CCDC171: variants seen among roughly 807,000 people sequenced by gnomAD.
CCDC171 encodes coiled-coil domain containing 171.
A neutral mutation model predicts 168.2 loss-of-function variants in CCDC171; 177 were observed. That is an observed-to-expected ratio of 1.05 (90% confidence interval 0.93 to 1.19). The LOEUF (loss-of-function observed/expected upper bound fraction) is 1.19, where lower values mean the gene tolerates loss of function less well. Among genes scored for constraint, CCDC171 ranks in the 50% most tolerant of loss-of-function variants. CCDC171 has a pLI of 0.00. For missense variants in CCDC171, 1,991 were observed against 1,539.0 expected (o/e 1.29, Z -4.91); for synonymous variants, 687 against 540.8 (o/e 1.27, Z -3.75).
chr9:15,628,996 A>G (rs1238652354), intron 7 of CCDC171, among the ~76,000 whole-genome samples: 2 of 152,204 alleles, frequency 1.3e-5, no homozygotes, highest in African/African-American at 2.4e-5. Flanking sequence ...AAAACTAACA[A>G]ACAGAAAGGA....
At chr9:15,696,091 T>C (rs1319234553) in intron 11 of CCDC171, among the ~76,000 whole-genome samples, 1 of 152,222 alleles carries the variant, frequency 6.6e-6, no homozygotes, top group African/African-American at 2.4e-5. Context: ...TTTGGTGGTC[T>C]TCTAACACAA....
intron 21 of CCDC171, among the ~76,000 whole-genome samples, chr9:15,844,042 A>G (rs1320528722): frequency 6.6e-6 from 1 of 152,122 alleles, no homozygotes; most frequent in Non-Finnish European, 1.5e-5. Context: ...AACTTGATTT[A>G]TCCTATTCTC....
intron 6 of CCDC171, among the ~76,000 whole-genome samples, chr9:15,599,283 T>G (rs1465195926): frequency 1.1e-4 from 16 of 152,286 alleles, no homozygotes; most frequent in African/African-American, 3.8e-4. Context: ...GCAGTGGCTG[T>G]TATTGGTTGT....
chr9:15,587,404 C>T (rs2041647835), intron 4 of CCDC171, among the ~76,000 whole-genome samples: 2 of 152,206 alleles, frequency 1.3e-5, no homozygotes, highest in Admixed American at 1.3e-4. Context: ...CACAAGCTCT[C>T]CTTTTGCCTG....
At chr9:15,824,324 C>T (rs1474659185) in intron 21 of CCDC171, among the ~76,000 whole-genome samples, 2 of 151,728 alleles carry the variant, frequency 1.3e-5, no homozygotes, top group Non-Finnish European at 2.9e-5. Context: ...AATAATTATA[C>T]ATTTACATAT....
intron 25 of CCDC171, among the ~76,000 whole-genome samples, chr9:15,945,832 C>T (rs929655350): frequency 5.3e-5 from 8 of 151,550 alleles, no homozygotes; most frequent in African/African-American, 1.9e-4. Context: ...TTGTGGGTTG[C>T]CTGTTCACTC....
chr9:15,977,299 T>A (rs920989632), downstream of CCDC171, among the ~76,000 whole-genome samples: 2 of 152,200 alleles, frequency 1.3e-5, no homozygotes, highest in Admixed American at 1.3e-4. Flanking sequence ...TAACTGTATC[T>A]TGTGGGCAAA....
At chr9:16,038,980 TA>T (rs1335844190), upstream of CCDC171, among the ~76,000 whole-genome samples, 2 of 151,918 alleles carry the variant, frequency 1.3e-5, no homozygotes, top group African/African-American at 4.8e-5. Context: ...AGTATATATA[TA>T]ATATGATAGT....
chr9:15,909,233 C>T (rs189155495), intron 24 of CCDC171, among the ~76,000 whole-genome samples: 2 of 152,320 alleles, frequency 1.3e-5, no homozygotes, highest in Admixed American at 1.3e-4. Flanking sequence ...AGCTTCAAGC[C>T]TAACTGTAGT....
At chr9:16,028,844 G>A (rs1176484407) in intron 6 of CCDC171, among the ~76,000 whole-genome samples, 2 of 152,160 alleles carry the variant, frequency 1.3e-5, no homozygotes, top group African/African-American at 2.4e-5. Flanking sequence ...CTTTGGCTCT[G>A]GGACTTCCCC....
At chr9:15,617,742 A>C (rs1049440470) in intron 6 of CCDC171, among the ~76,000 whole-genome samples, 2 of 152,128 alleles carry the variant, frequency 1.3e-5, no homozygotes, top group Admixed American at 6.5e-5. Context: ...TTCTTCTAAC[A>C]GGCCCCTCTT....
At chr9:15,581,926 C>T (rs976868179) in intron 4 of CCDC171, among the ~76,000 whole-genome samples, 1 of 152,156 alleles carries the variant, frequency 6.6e-6, no homozygotes, top group Non-Finnish European at 1.5e-5. Flanking sequence ...CCAAAATAGA[C>T]AAATGGGATC....
downstream of CCDC171, among the ~76,000 whole-genome samples, chr9:15,978,938 A>C (rs373717784): frequency 6.6e-6 from 1 of 152,100 alleles, no homozygotes; most frequent in African/African-American, 2.4e-5. Flanking sequence ...TCTACTTTCT[A>C]TCTCTATGGA....
At chr9:15,680,954 CT>C (rs1037920079) in intron 10 of CCDC171, among the ~76,000 whole-genome samples, 14 of 152,078 alleles carry the variant, frequency 9.2e-5, no homozygotes, top group Non-Finnish European at 1.8e-4. Flanking sequence ...TTTTCTAGCA[CT>C]TTAGTGAGTA....
intron 24 of CCDC171, among the ~76,000 whole-genome samples, chr9:15,893,845 A>G (rs1357432636): frequency 2.6e-5 from 4 of 152,240 alleles, no homozygotes; most frequent in African/African-American, 9.6e-5. Context: ...TGTAAGTTCA[A>G]CCACTGTGGA....
chr9:15,753,201 C>G (rs959486666), intron 18 of CCDC171, among the ~76,000 whole-genome samples: 1 of 152,058 alleles, frequency 6.6e-6, no homozygotes, highest in East Asian at 1.9e-4. Context: ...AGGTGCTGCT[C>G]ATTGTGGGCT....
chr9:15,798,500 A>C (rs141885848), intron 21 of CCDC171, among the ~76,000 whole-genome samples: 2 of 152,152 alleles, frequency 1.3e-5, no homozygotes, highest in African/African-American at 2.4e-5. Flanking sequence ...ACATAGGTAT[A>C]CATTTACCGT....
chr9:15,731,957 A>G (rs758666263), intron 16 of CCDC171, among the ~76,000 whole-genome samples: 2 of 152,022 alleles, frequency 1.3e-5, no homozygotes, highest in Non-Finnish European at 2.9e-5. Flanking sequence ...GATGCTGAGC[A>G]CCTTTCATAT....
At position 16,021,436 on chromosome 9, in the gene CCDC171, C is replaced by G. The variant is rs770617244; in HGVS notation, n.574+642C>G. On this transcript the variant is annotated intron_variant and non_coding_transcript_variant, in intron 4 of 9. Transcript: ENST00000486641. ...TAACTATGATTTCACTGTCATATTC[C>G]TCTAAGATTTTTTACATAAATAAGT... Among the ~76,000 whole-genome samples the G allele has an allele frequency of 5.3e-5, 8 of 152,162 alleles. No homozygotes were observed. The East Asian group carries it at 1.2e-3, about 22-fold the overall frequency.
Sources: allele counts gnomAD v4.1 joint callset (sites outside exome capture counted in the v4.1 genomes callset), GRCh38; gene constraint gnomAD v4.1.1; transcripts MANE v1.5; gene names NCBI Gene and HGNC (gene_info 2026-07-23, HGNC 2026-07-21).